Variants in DOCK4 observed in about 807,000 individuals in gnomAD.
DOCK4 encodes the protein dedicator of cytokinesis 4.
In DOCK4, 97 loss-of-function variants were observed where a neutral mutation model predicts 268.1. The ratio of observed to expected loss-of-function variants is 0.36; its 90% CI spans 0.31 to 0.43. The LOEUF (loss-of-function observed/expected upper bound fraction) is 0.43. Among genes scored for constraint, DOCK4 ranks in the 20% least tolerant of loss-of-function variants. The pLI is 1.00. For synonymous variants in DOCK4, 954 were observed against 887.2 expected (o/e 1.08, Z -1.34); for missense variants, 2,145 against 2,455.7 (o/e 0.87, Z 2.67).
intron 1 of DOCK4, among the ~76,000 whole-genome samples, chr7:112,169,210 G>A (rs761283732): frequency 3.3e-5 from 5 of 152,260 alleles, no homozygotes; most frequent in Middle Eastern, 3.4e-3. Flanking sequence ...TGCTGTGACT[G>A]AAAGCTTCCT....
At chr7:111,793,058 T>G (rs1244663376) in intron 30 of DOCK4, among the ~76,000 whole-genome samples, 1 of 152,228 alleles carries the variant, frequency 6.6e-6, no homozygotes, top group Admixed American at 6.5e-5. Flanking sequence ...TCCTTTAGGC[T>G]AAAATATCCA....
At chr7:111,960,447 G>A (rs1796782744) in intron 8 of DOCK4, among the ~76,000 whole-genome samples, 1 of 145,284 alleles carries the variant, frequency 6.9e-6, no homozygotes, top group East Asian at 2.1e-4. Context: ...ATGTTGTTTT[G>A]AAATACGTAT....
intron 8 of DOCK4, among the ~76,000 whole-genome samples, chr7:111,963,296 C>T (rs538156231): frequency 3.4e-5 from 5 of 146,370 alleles, no homozygotes; most frequent in Non-Finnish European, 5.9e-5. Flanking sequence ...TCTGAGGTAC[C>T]GGGTTCATCT....
At chr7:112,128,255 C>T (rs1813425170) in intron 1 of DOCK4, among the ~76,000 whole-genome samples, 1 of 152,124 alleles carries the variant, frequency 6.6e-6, no homozygotes, top group Admixed American at 6.5e-5. Flanking sequence ...CCCTCTCAGC[C>T]CCTCTGCCCG....
intron 52 of DOCK4, among the ~76,000 whole-genome samples, chr7:111,729,825 A>G (rs1794945970): frequency 6.6e-6 from 1 of 151,854 alleles, no homozygotes; most frequent in African/African-American, 2.4e-5. Context: ...CAGACTCCAG[A>G]CTCCTGAGCT....
intron 1 of DOCK4, among the ~76,000 whole-genome samples, chr7:112,071,145 T>C (rs1807547380): frequency 6.6e-6 from 1 of 152,206 alleles, no homozygotes; most frequent in African/African-American, 2.4e-5. Flanking sequence ...TACAAAATCA[T>C]TTTGTTTTTA....
At chr7:111,886,561 T>C (rs189126648) in intron 16 of DOCK4, among the ~76,000 whole-genome samples, 186 of 152,180 alleles carry the variant, frequency 1.2e-3, no homozygotes, top group Non-Finnish European at 2.0e-3. Context: ...CAAAGGACTA[T>C]TTGACCTCAG....
chr7:111,844,728 C>G, intron 25 of DOCK4, 35 bp downstream of exon 25: 1 of 1,594,418 alleles, frequency 6.3e-7, no homozygotes, highest in South Asian at 1.1e-5. Flanking sequence ...CATAACCAGG[C>G]CCTGTTCCAC....
At chr7:111,940,032 T>C in intron 11 of DOCK4, 78 bp downstream of exon 11, 1 of 1,464,864 alleles carries the variant, frequency 6.8e-7, no homozygotes, top group Non-Finnish European at 9.5e-7. Flanking sequence ...TCTACCCACC[T>C]AAAGTAGCAT....
intron 42 of DOCK4, among the ~76,000 whole-genome samples, chr7:111,753,570 G>C (rs757031): frequency 0.96 from 145,873 of 152,336 alleles, 69,877 homozygotes; most frequent in Middle Eastern, 0.98. Context: ...ATTAGAAAAG[G>C]TTGGGTGTAT....
chr7:111,952,218 G>T (rs1796112386), intron 8 of DOCK4, among the ~76,000 whole-genome samples: 1 of 152,160 alleles, frequency 6.6e-6, no homozygotes, highest in Admixed American at 6.5e-5. Context: ...CAACTGCTCA[G>T]TTGAACTACT....
rs551897644 is a variant in DOCK4, at chr7:112,138,644, A to G, written c.37+67458T>C. 3.3e-5 allele frequency among the ~76,000 whole-genome samples: 5 copies of G among 152,232 alleles called. No individual in the cohort carries two copies. The South Asian group carries it at 8.3e-4, about 25-fold the overall frequency. Reference sequence around the variant, plus strand: ...ACACCTGCCCATACCCAACTCCCCCACAATTCTCTGTTCCTGTTATGAGCT... The same window carrying G: ...ACACCTGCCCATACCCAACTCCCCCGCAATTCTCTGTTCCTGTTATGAGCT... On this transcript the variant is annotated intron_variant, in intron 1 of 52. Coordinates refer to ENST00000428084, the MANE Select transcript of DOCK4 (RefSeq NM_001363540.2).
At chr7:111,921,483 A>C (rs537101307) in intron 12 of DOCK4, among the ~76,000 whole-genome samples, 159 of 152,330 alleles carry the variant, frequency 1.0e-3, no homozygotes, top group African/African-American at 3.6e-3. Context: ...AAATTTTAGA[A>C]TACATCAGCC....
chr7:111,785,227 C>T (rs895541891), intron 32 of DOCK4, among the ~76,000 whole-genome samples: 2 of 152,118 alleles, frequency 1.3e-5, no homozygotes, highest in African/African-American at 4.8e-5. Flanking sequence ...GTCCTGCAAG[C>T]GAAGGTCCCC....
At chr7:112,128,424 C>CAGCT (rs887427922) in intron 1 of DOCK4, among the ~76,000 whole-genome samples, 2 of 152,142 alleles carry the variant, frequency 1.3e-5, no homozygotes, top group Non-Finnish European at 2.9e-5. Flanking sequence ...GTGTGCCCAA[C>CAGCT]AGCTCATTGA....
intron 13 of DOCK4, among the ~76,000 whole-genome samples, chr7:111,909,606 C>G (rs1791920467): frequency 6.6e-6 from 1 of 152,228 alleles, no homozygotes; most frequent in African/African-American, 2.4e-5. Flanking sequence ...AATAAATCCT[C>G]AGATTACTAT....
rs528917661 is a variant in DOCK4, at chr7:111,768,927, G to C, written c.3828+602C>G. On this transcript the variant is annotated intron_variant, in intron 37 of 52. Transcript: ENST00000428084. The stretch of plus-strand genomic sequence containing the variant: ...CCCCAGGGTAATGGTATTAGGAAAT[G>C]GGGTCTTTGGAAGTGATTAGGTCAT... Among the ~76,000 whole-genome samples the C allele has an allele frequency of 4.6e-5, 7 of 152,178 alleles. No individual in the cohort carries two copies. The East Asian group carries it at 1.2e-3, about 25-fold the overall frequency.
chr7:111,895,740 CT>C, intron 15 of DOCK4, 22 bp from the exon 16 acceptor site: 1 of 1,603,030 alleles, frequency 6.2e-7, no homozygotes, highest in African/African-American at 1.3e-5. Context: ...AAATTACTTG[CT>C]TATTTAAGTG....
chr7:111,768,405 A>G lies in DOCK4; in HGVS notation c.3828+1124T>C, dbSNP rs569997818. Among the ~76,000 whole-genome samples the G allele has an allele frequency of 4.6e-5, 7 of 152,360 alleles. No homozygotes were observed. The South Asian group carries it at 1.4e-3, about 32-fold the overall frequency. ...TAATAAAGGAAGATGTGGAAGAAGC[A>G]ACTTCCTTGCATCAAATTTTTACGT... On this transcript the variant is annotated intron_variant, in intron 37 of 52. Coordinates refer to ENST00000428084, the MANE Select transcript of DOCK4 (RefSeq NM_001363540.2).
Sources: allele counts gnomAD v4.1 joint callset (sites outside exome capture counted in the v4.1 genomes callset), GRCh38; gene constraint gnomAD v4.1.1; transcripts MANE v1.5; gene names NCBI Gene and HGNC (gene_info 2026-07-23, HGNC 2026-07-21).